AP3S2: variants seen among roughly 807,000 people sequenced by gnomAD.
AP3S2 encodes AP-3 complex subunit sigma-2.
Under a neutral mutation model 23.4 loss-of-function variants are expected in AP3S2, and 22 were observed. That is an observed-to-expected ratio of 0.94 (90% CI 0.67 to 1.34). AP3S2 has a LOEUF of 1.34. Ranked by LOEUF, AP3S2 falls within the 40% of genes most tolerant of loss-of-function variation. The pLI, the probability that AP3S2 is intolerant of heterozygous loss-of-function variation, is 0.00. For missense variants in AP3S2, 241 were observed against 236.9 expected (o/e 1.02, Z -0.11); for synonymous variants, 86 against 87.1 (o/e 0.99, Z 0.07).
chr15:89,889,248 AT>A, intron 1 of AP3S2, 108 bp from the exon 2 acceptor site: 1 of 1,136,658 alleles, frequency 8.8e-7, no homozygotes, highest in Non-Finnish European at 1.3e-6. Context: ...ACATCTAAAC[AT>A]TTAGTACTTG....
intron 3 of AP3S2, among the ~76,000 whole-genome samples, chr15:89,888,071 T>G (rs561634582): frequency 6.6e-6 from 1 of 152,384 alleles, no homozygotes; most frequent in South Asian, 2.1e-4. Context: ...TTTCCACAAT[T>G]GTTGTTACTT....
At chr15:89,878,388 A>T in intron 3 of AP3S2, 1 of 564,434 alleles carries the variant, frequency 1.8e-6, no homozygotes, top group South Asian at 2.2e-5. Context: ...TTAGGAAAAA[A>T]TCTAACTTAC....
chr15:89,835,544 T>C lies in AP3S2; in HGVS notation c.553A>G (p.Lys185Glu). 1 of 1,613,894 alleles carries C rather than the reference T, an allele frequency of 6.2e-7. No individual in the cohort carries two copies. The highest frequency in any genetic ancestry group is 8.5e-7 in the Non-Finnish European group (1 of 1,179,982). Residue 185 changes from lysine (K) to glutamate (E), a missense_variant, in exon 6 of 6, where the codon AAA becomes GAA. Coordinates refer to ENST00000336418, the MANE Select transcript of AP3S2 (RefSeq NM_005829.5). ...ACAAACTGGGACAGGTTGGGAACTT[T>C]GATGTTGAGATCGCCAATGTTGATG... Reference protein sequence around the residue: ...RNINIGDLNIKVPNLSQFV With the variant: ...RNINIGDLNIEVPNLSQFV
intron 3 of AP3S2, chr15:89,886,500 T>A (rs143216496): frequency 1.2e-3 from 186 of 152,320 alleles, no homozygotes; most frequent in African/African-American, 4.4e-3. Context: ...TATGGAATGC[T>A]TCACCAATTT....
rs567517519 is a variant in AP3S2 at position 89,867,894 on chromosome 15, G to C, written c.345+3581C>G. ...TGGGAAGTGAGGAGCGGCTCCGCCC[G>C]GCAGCCACCCCGTCCGGGAGGGAGG... On this transcript the variant is annotated intron_variant, in intron 4 of 5. Transcript: ENST00000336418. Among the ~76,000 whole-genome samples, 382 of 130,946 alleles carry C rather than the reference G, an allele frequency of 2.9e-3. 1 individual carries two copies. The highest frequency in any genetic ancestry group is 9.6e-3 in the African/African-American group (362 of 37,854). 85.9% of individuals were successfully genotyped at this position (130,946 alleles called of 152,430 possible). A position where few individuals can be genotyped will look rare whatever the true frequency, so the allele number is the denominator to read the frequency against.
intron 1 of AP3S2, among the ~76,000 whole-genome samples, chr15:89,891,430 G>A (rs1239242509): frequency 1.3e-5 from 2 of 152,130 alleles, no homozygotes; most frequent in African/African-American, 4.8e-5. Flanking sequence ...AGGCCAAGAC[G>A]GGCAGATTAC....
chr15:89,859,286 TTTC>T (rs1338335996), intron 4 of AP3S2, among the ~76,000 whole-genome samples: 6 of 148,048 alleles, frequency 4.1e-5, no homozygotes, highest in East Asian at 3.9e-4. Context: ...TCTTTCCTTT[TTTC>T]TTTTCTTTTT....
chr15:89,890,449 G>A (rs78227926), intron 1 of AP3S2, among the ~76,000 whole-genome samples: 7,367 of 152,292 alleles, frequency 0.048, 279 homozygotes, highest in Non-Finnish European at 0.073. Context: ...AGTTTCAGAA[G>A]AAGTATGGTT....
chr15:89,878,750 C>G (rs765911821), intron 3 of AP3S2, among the ~76,000 whole-genome samples: 10 of 151,806 alleles, frequency 6.6e-5, no homozygotes, highest in East Asian at 1.9e-4. Context: ...GTTGCTGTTT[C>G]TTTGTTTGTT....
chr15:89,841,649 G>A (rs544911173), intron 4 of AP3S2, among the ~76,000 whole-genome samples: 32 of 152,218 alleles, frequency 2.1e-4, no homozygotes, highest in South Asian at 1.0e-3. Context: ...GCTAAGAGAC[G>A]CCTTGCCTAT....
At chr15:89,839,756 A>G (rs1278448666) in intron 4 of AP3S2, among the ~76,000 whole-genome samples, 1 of 152,230 alleles carries the variant, frequency 6.6e-6, no homozygotes, top group East Asian at 1.9e-4. Context: ...AGGTGGAAGC[A>G]GCCCAAGTGT....
intron 4 of AP3S2, among the ~76,000 whole-genome samples, chr15:89,842,362 C>G (rs1895349701): frequency 6.6e-6 from 1 of 152,104 alleles, no homozygotes; most frequent in South Asian, 2.1e-4. Context: ...TGTTTCTGAA[C>G]TATAAGAGGA....
At chr15:89,858,357 C>T (rs1422066761) in intron 4 of AP3S2, among the ~76,000 whole-genome samples, 8 of 151,996 alleles carry the variant, frequency 5.3e-5, no homozygotes, top group Admixed American at 4.6e-4. Flanking sequence ...AGGAGAATTG[C>T]TTGAACCCAG....
At chr15:89,849,812 A>G (rs551728340) in intron 4 of AP3S2, among the ~76,000 whole-genome samples, 20 of 150,220 alleles carry the variant, frequency 1.3e-4, no homozygotes, top group Admixed American at 4.0e-4. Context: ...ATTTCTCCTA[A>G]TGCTACCCTT....
At chr15:89,839,007 T>C (rs1895261689) in intron 4 of AP3S2, among the ~76,000 whole-genome samples, 1 of 152,176 alleles carries the variant, frequency 6.6e-6, no homozygotes, top group Non-Finnish European at 1.5e-5. Context: ...GATAATCCTC[T>C]GCTGTGGGGC....
At chr15:89,855,615 A>G (rs1895810452) in intron 4 of AP3S2, among the ~76,000 whole-genome samples, 1 of 144,452 alleles carries the variant, frequency 6.9e-6, no homozygotes, top group Admixed American at 6.9e-5. Context: ...GTGGCAGGCC[A>G]AGGCGGGCAG....
chr15:89,862,000 T>C (rs1399301856), intron 4 of AP3S2, among the ~76,000 whole-genome samples: 1 of 152,070 alleles, frequency 6.6e-6, no homozygotes, highest in Admixed American at 6.5e-5. Context: ...AGTGGTCCAC[T>C]GTGGCTAGAG....
rs1896878529 is a variant in AP3S2, at chr15:89,893,890, G to A, written c.60C>T (p.Tyr20=). 1.3e-6 allele frequency: 2 copies of A among 1,551,612 alleles called. No individual in the cohort carries two copies. ...NHGKPRLVRF[Y]QRFPEEIQQQ... is the part of the protein sequence containing the mutation. ...GCCGGGCCGCACTCACGAAACGCTG[G>A]TAGAAGCGGACTAGCCGTGGCTTCC... The change falls in exon 1 of 6, where the codon TAC becomes TAT. Residue 20 remains tyrosine (Y), a synonymous_variant. Transcript: ENST00000336418.
Position 89,856,525 on chromosome 15 carries a change from C to G in AP3S2, c.345+14950G>C, listed in dbSNP as rs1181336230. On this transcript the variant is annotated intron_variant, in intron 4 of 5. Coordinates refer to ENST00000336418, the MANE Select transcript of AP3S2 (RefSeq NM_005829.5). ...ACTAGCCTGGCCAAGATGGTGCAAC[C>G]CCGTCTCTACTAAAAAAATACAAAA... 2.6e-5 allele frequency among the ~76,000 whole-genome samples: 4 copies of G among 151,932 alleles called. No homozygotes were observed. In the East Asian group the frequency reaches 7.7e-4, roughly 29 times the overall value.
Sources: allele counts gnomAD v4.1 joint callset (sites outside exome capture counted in the v4.1 genomes callset), GRCh38; gene constraint gnomAD v4.1.1; transcripts MANE v1.5; gene names NCBI Gene and HGNC (gene_info 2026-07-23, HGNC 2026-07-21).